Variants in OGN observed in about 807,000 individuals in gnomAD.
OGN encodes the protein osteoglycin, also known as mimecan.
A neutral mutation model predicts 30.8 loss-of-function variants in OGN; 19 were observed. The observed-to-expected ratio is 0.62, with a 90% confidence interval of 0.43 to 0.90. The LOEUF is 0.90. Among genes scored for constraint, OGN ranks in the 40% least tolerant of loss-of-function variants. OGN has a pLI of 0.00. For synonymous variants in OGN, 126 were observed against 128.3 expected, an observed-to-expected ratio of 0.98 and a Z score of 0.12; for missense variants, 283 against 349.7, an observed-to-expected ratio of 0.81 and a Z score of 1.52.
At chr9:92,400,577 A>G (rs934697947) in intron 3 of OGN, among the ~76,000 whole-genome samples, 1 of 152,056 alleles carries the variant, frequency 6.6e-6, no homozygotes, top group Admixed American at 6.6e-5. Flanking sequence ...GGTTTTTGTC[A>G]TGTTTTCATG....
chr9:92,404,475 A>G (rs1843242984), intron 1 of OGN, 21 bp downstream of exon 1: 2 of 1,253,168 alleles, frequency 1.6e-6, no homozygotes, highest in African/African-American at 1.6e-5. Flanking sequence ...ATTTAAAATA[A>G]TATATGAAAA....
chr9:92,397,048 G>A (rs1280779831), intron 3 of OGN, among the ~76,000 whole-genome samples: 2 of 151,328 alleles, frequency 1.3e-5, no homozygotes, highest in Non-Finnish European at 2.9e-5. Flanking sequence ...GTGGTGGCAC[G>A]TTCCTGTAGT....
chr9:92,400,708 T>C (rs535467965), intron 3 of OGN, among the ~76,000 whole-genome samples: 83 of 152,372 alleles, frequency 5.4e-4, no homozygotes, highest in African/African-American at 1.9e-3. Flanking sequence ...TGTGTAATTA[T>C]TGATGTATAT....
At chr9:92,403,875 A>G in intron 1 of OGN, 1 of 197,392 alleles carries the variant, frequency 5.1e-6, no homozygotes, top group Non-Finnish European at 9.1e-6. Flanking sequence ...TATTGGTATG[A>G]ACAGAAACAA....
chr9:92,385,435 T>G lies in OGN; in HGVS notation c.*185A>C. 1.8e-6 allele frequency: 1 copy of G among 544,322 alleles called. No individual in the cohort carries two copies. Among genetic ancestry groups the G allele is most frequent in the African/African-American group, 1.9e-5 (1 of 52,194 alleles). The allele number at this position is 544,322 out of a possible 1,614,324, so 33.7% of individuals were successfully genotyped here. ...TTTTCATATTACTTTGTTTCGAACGTAGACATTCAGTCTTACTTTTTACTT... is the reference window on the plus strand; with the variant it reads ...TTTTCATATTACTTTGTTTCGAACGGAGACATTCAGTCTTACTTTTTACTT... On this transcript the variant is annotated 3_prime_UTR_variant, in exon 7 of 7. Transcript: ENST00000375561.
intron 2 of OGN, 43 bp downstream of exon 2, chr9:92,403,191 G>T (rs767856122): frequency 2.6e-5 from 34 of 1,323,880 alleles, no homozygotes; most frequent in Non-Finnish European, 3.5e-5. Flanking sequence ...GCATTTAAAT[G>T]GGCAGTATTT....
At chr9:92,400,019 T>C (rs570581620) in intron 3 of OGN, among the ~76,000 whole-genome samples, 1 of 152,356 alleles carries the variant, frequency 6.6e-6, no homozygotes, top group East Asian at 1.9e-4. Flanking sequence ...AATCTGGTTT[T>C]CCAGCTTTAT....
Position 92,385,621 on chromosome 9 carries a change from TA to T in OGN, c.895del (p.Ter299AsnfsTer8). On this transcript the variant is annotated frameshift_variant and stop_lost, in exon 7 of 7. Transcript: ENST00000375561. LOFTEE classifies it high-confidence loss of function. ...LKRLPIGSYF* is the reference protein window; with the variant it reads ...LKRLPIGSYFX ...ATTTATATGTTGTACCAATAGAGGTTAAAAGTATGACCCTATCGGTAATCTT... is the reference window on the plus strand; with the variant it reads ...ATTTATATGTTGTACCAATAGAGGTTAAAGTATGACCCTATCGGTAATCTT... The T allele has an allele frequency of 6.2e-7, 1 of 1,613,566 alleles. No individual in the cohort carries two copies. Among genetic ancestry groups the T allele is most frequent in the Non-Finnish European group, 8.5e-7 (1 of 1,179,474 alleles).
intron 2 of OGN, among the ~76,000 whole-genome samples, chr9:92,402,023 A>T (rs1014992868): frequency 6.6e-6 from 1 of 152,126 alleles, no homozygotes; most frequent in Non-Finnish European, 1.5e-5. Flanking sequence ...ACTCCACTCC[A>T]CAAATATCTT....
intron 3 of OGN, among the ~76,000 whole-genome samples, chr9:92,397,195 C>CA (rs1350231835): frequency 3.3e-5 from 5 of 151,942 alleles, no homozygotes; most frequent in Non-Finnish European, 7.4e-5. Context: ...AACAAACAAA[C>CA]AAAAAAACAC....
chr9:92,401,916 C>A lies in OGN; in HGVS notation c.175-731G>T, dbSNP rs113532717. The stretch of plus-strand genomic sequence containing the variant: ...TGTTCCATTTTAGTCTCGGTCTTGA[C>A]TCCTGACTCTGCCCTTCACCTTCAT... On this transcript the variant is annotated intron_variant, in intron 2 of 6. Coordinates refer to ENST00000375561, the MANE Select transcript of OGN (RefSeq NM_014057.5). Among the ~76,000 whole-genome samples, 713 of 152,284 alleles carry A rather than the reference C, an allele frequency of 4.7e-3. 4 individuals carry two copies. Among genetic ancestry groups the A allele is most frequent in the African/African-American group, 0.015 (637 of 41,562 alleles).
rs138408838 is a variant in OGN at position 92,392,651 on chromosome 9, C to T, written c.427+435G>A. ...AGGGGGGAGAAAAAAAAAACACTTC[C>T]CAAGATATTTTTAATATGCAGCCAG... On this transcript the variant is annotated intron_variant, in intron 4 of 6. Coordinates refer to ENST00000375561, the MANE Select transcript of OGN (RefSeq NM_014057.5). 2.2e-3 allele frequency among the ~76,000 whole-genome samples: 337 copies of T among 152,084 alleles called. 3 individuals are homozygous for T. The highest frequency in any genetic ancestry group is 7.6e-3 in the African/African-American group (314 of 41,496).
chr9:92,391,033 G>C (rs1379210547), intron 4 of OGN, among the ~76,000 whole-genome samples: 1 of 152,050 alleles, frequency 6.6e-6, no homozygotes, highest in Non-Finnish European at 1.5e-5. Flanking sequence ...GGGAGGCCAA[G>C]GTGGGCAGAT....
chr9:92,388,406 C>T (rs1842524976), intron 5 of OGN, among the ~76,000 whole-genome samples: 1 of 152,072 alleles, frequency 6.6e-6, no homozygotes, highest in Non-Finnish European at 1.5e-5. Context: ...AAGTGATCCG[C>T]CTGCCTCATC....
chr9:92,386,058 T>G, intron 6 of OGN, 143 bp downstream of exon 6: 1 of 676,206 alleles, frequency 1.5e-6, no homozygotes, highest in Non-Finnish European at 2.5e-6. Context: ...GTATTAATCT[T>G]TTTGATAGGC....
intron 1 of OGN, 29 bp from the exon 2 acceptor site, chr9:92,403,511 C>A (rs1564302387): frequency 2.0e-6 from 3 of 1,463,696 alleles, no homozygotes; most frequent in Admixed American, 2.6e-5. Flanking sequence ...ACCATCGAAG[C>A]AATATTTAAA....
At chr9:92,401,284 G>T in intron 2 of OGN, 99 bp from the exon 3 acceptor site, 1 of 603,980 alleles carries the variant, frequency 1.7e-6, no homozygotes, top group Non-Finnish European at 2.9e-6. Flanking sequence ...TACAATTAGT[G>T]GCATTTCCTT....
chr9:92,402,709 A>T (rs930747674), intron 2 of OGN, among the ~76,000 whole-genome samples: 6 of 152,204 alleles, frequency 3.9e-5, no homozygotes, highest in Admixed American at 3.9e-4. Context: ...AGAAAGTCCT[A>T]TATTGACTAG....
chr9:92,390,876 C>G (rs1009776692), intron 4 of OGN, among the ~76,000 whole-genome samples: 1 of 152,086 alleles, frequency 6.6e-6, no homozygotes, highest in Non-Finnish European at 1.5e-5. Flanking sequence ...CTGAACAAAC[C>G]TTATCTAACA....
Sources: allele counts gnomAD v4.1 joint callset (sites outside exome capture counted in the v4.1 genomes callset), GRCh38; gene constraint gnomAD v4.1.1; transcripts MANE v1.5; gene names NCBI Gene and HGNC (gene_info 2026-07-23, HGNC 2026-07-21).